Variants in CCDC122 observed in about 807,000 individuals in gnomAD.
CCDC122 encodes the protein coiled-coil domain containing 122.
Under a neutral mutation model 37.0 loss-of-function variants are expected in CCDC122, and 38 were observed. That is an observed-to-expected ratio of 1.03 (90% CI 0.79 to 1.35). The LOEUF is 1.35. Ranked by LOEUF, CCDC122 falls within the 40% of genes most tolerant of loss-of-function variation. CCDC122 has a pLI of 0.00. For missense variants in CCDC122, 305 were observed against 310.0 expected, an observed-to-expected ratio of 0.98 and a Z score of 0.12; for synonymous variants, 83 against 95.6, an observed-to-expected ratio of 0.87 and a Z score of 0.77.
At chr13:43,833,777 C>T (rs551408049), downstream of CCDC122, among the ~76,000 whole-genome samples, 43 of 147,696 alleles carry the variant, frequency 2.9e-4, no homozygotes, top group East Asian at 7.7e-3. Flanking sequence ...GATGACACAA[C>T]AAGTCCACCA....
chr13:43,859,024 A>C (rs1188132174), intron 5 of CCDC122, 127 bp from the exon 6 acceptor site: 1 of 690,160 alleles, frequency 1.4e-6, no homozygotes, highest in Admixed American at 4.4e-5. Context: ...AAATAGCATT[A>C]GAATATTACT....
At chr13:43,839,928 T>C (rs1953287214) in intron 6 of CCDC122, among the ~76,000 whole-genome samples, 1 of 152,128 alleles carries the variant, frequency 6.6e-6, no homozygotes, top group Non-Finnish European at 1.5e-5. Flanking sequence ...AGAAGAAATT[T>C]ATAGACAAAA....
chr13:43,861,522 T>A (rs905751263), intron 4 of CCDC122, among the ~76,000 whole-genome samples: 2 of 152,182 alleles, frequency 1.3e-5, no homozygotes, highest in Non-Finnish European at 2.9e-5. Context: ...ATTCTGTAGA[T>A]CTTCCCACCA....
chr13:43,829,967 C>T (rs1953073619), intron 3 of CCDC122, among the ~76,000 whole-genome samples: 1 of 152,152 alleles, frequency 6.6e-6, no homozygotes, highest in Admixed American at 6.5e-5. Flanking sequence ...CCTCCGCCTC[C>T]TGGCTGCAAG....
At chr13:43,868,582 G>A (rs1954348513) in intron 4 of CCDC122, 112 bp downstream of exon 4, 1 of 557,064 alleles carries the variant, frequency 1.8e-6, no homozygotes, top group Non-Finnish European at 3.0e-6. Flanking sequence ...CAGAATAATT[G>A]ACAGAGAATA....
At chr13:43,871,272 A>G (rs974116732) in intron 2 of CCDC122, among the ~76,000 whole-genome samples, 2 of 152,136 alleles carry the variant, frequency 1.3e-5, no homozygotes, top group African/African-American at 4.8e-5. Context: ...GTGCATTTAT[A>G]GAGCTGCTGC....
downstream of CCDC122, among the ~76,000 whole-genome samples, chr13:43,832,315 C>A (rs1444211304): frequency 6.6e-6 from 1 of 152,022 alleles, no homozygotes; most frequent in East Asian, 1.9e-4. Context: ...CTATGAGCAA[C>A]TAACAAATCA....
chr13:43,864,152 T>C (rs924791713), intron 4 of CCDC122, among the ~76,000 whole-genome samples: 7 of 152,324 alleles, frequency 4.6e-5, no homozygotes, highest in Admixed American at 2.6e-4. Context: ...TCAATTGATA[T>C]GTGTGGGGCT....
In CCDC122 at chr13:43,837,169, C is replaced by A; in HGVS notation, c.*111G>T. 9.6e-7 allele frequency: 1 copy of A among 1,042,076 alleles called. No individual in the cohort carries two copies. The highest frequency in any genetic ancestry group is 1.4e-6 in the Non-Finnish European group (1 of 722,336). The allele number at this position is 1,042,076 out of a possible 1,614,324, so 64.6% of individuals were successfully genotyped here. On this transcript the variant is annotated 3_prime_UTR_variant, in exon 7 of 7. Transcript: ENST00000444614. Reference sequence around the variant, plus strand: ...CAACCGAAGACATCTGTCATTAAGACAGGTCTCTAATAGTGGATGCTTGTT... The same window carrying A: ...CAACCGAAGACATCTGTCATTAAGAAAGGTCTCTAATAGTGGATGCTTGTT...
Position 43,837,001 on chromosome 13 carries a change from G to A in CCDC122, c.*279C>T, listed in dbSNP as rs938443485. 2 of 297,116 alleles carry A rather than the reference G, an allele frequency of 6.7e-6. No individual in the cohort carries two copies. Among genetic ancestry groups the A allele is most frequent in the African/African-American group, 4.3e-5 (2 of 46,236 alleles). 18.4% of individuals were successfully genotyped at this position (297,116 alleles called of 1,614,324 possible). On this transcript the variant is annotated 3_prime_UTR_variant, in exon 7 of 7. Coordinates refer to ENST00000444614, the MANE Select transcript of CCDC122 (RefSeq NM_144974.5). The stretch of plus-strand genomic sequence containing the variant: ...ATGCAACATAAACAGGTATTCATGA[G>A]TATAATACATTTTACACACTCCAAA...
chr13:43,863,495 A>G (rs544069626), intron 4 of CCDC122, among the ~76,000 whole-genome samples: 238 of 152,298 alleles, frequency 1.6e-3, no homozygotes, highest in Non-Finnish European at 2.4e-3. Flanking sequence ...AATACCTAAA[A>G]GTTAAATGGC....
In CCDC122 at chr13:43,837,369, G is replaced by A. The variant is rs930201028; in HGVS notation, c.733C>T (p.Gln245Ter). Reference sequence around the variant, plus strand: ...CATTGCCACTGTCGTCTATTTGACTGAAGCTTGTTCACCTGACAATGCAAA... The same window carrying A: ...CATTGCCACTGTCGTCTATTTGACTAAAGCTTGTTCACCTGACAATGCAAA... ...KRLHCQVNKLQSNRRQWQWNI... is the reference protein window; with the variant it reads ...KRLHCQVNKL Residue 245 changes from glutamine to a stop codon, truncating the protein, a stop_gained, in exon 7 of 7, where the codon CAG becomes TAG. Transcript: ENST00000444614. LOFTEE classifies it high-confidence loss of function. The A allele has an allele frequency of 6.2e-7, 1 of 1,613,894 alleles. No individual in the cohort carries two copies. The highest frequency in any genetic ancestry group is 1.3e-5 in the African/African-American group (1 of 74,904).
chr13:43,851,797 A>G (rs530614306), intron 6 of CCDC122, among the ~76,000 whole-genome samples: 10 of 152,146 alleles, frequency 6.6e-5, no homozygotes, highest in Non-Finnish European at 1.3e-4. Flanking sequence ...CAGAGAACAA[A>G]ACTGGGGCCT....
downstream of CCDC122, among the ~76,000 whole-genome samples, chr13:43,820,513 A>T (rs927974182): frequency 4.6e-5 from 7 of 152,222 alleles, no homozygotes; most frequent in Non-Finnish European, 5.9e-5. Context: ...CTATTTGAAC[A>T]TCAATAATAA....
chr13:43,870,610 T>G (rs1160453199), intron 2 of CCDC122, among the ~76,000 whole-genome samples: 1 of 152,108 alleles, frequency 6.6e-6, no homozygotes, highest in African/African-American at 2.4e-5. Flanking sequence ...TAAAAAAAAA[T>G]TATATAGTGT....
At chr13:43,868,604 G>A in intron 4 of CCDC122, 90 bp downstream of exon 4, 1 of 632,816 alleles carries the variant, frequency 1.6e-6, no homozygotes, top group Non-Finnish European at 2.5e-6. Flanking sequence ...CTTTAAAAGT[G>A]ACTCCCAATA....
chr13:43,865,252 A>C, intron 4 of CCDC122, among the ~76,000 whole-genome samples: 1 of 152,160 alleles, frequency 6.6e-6, no homozygotes, highest in East Asian at 1.9e-4. Context: ...CTCTGATTTT[A>C]TAGCCAGTTG....
chr13:43,835,781 G>T, downstream of CCDC122, among the ~76,000 whole-genome samples: 1 of 152,206 alleles, frequency 6.6e-6, no homozygotes. Context: ...TTTTTAATAT[G>T]CAAGTTACAT....
At chr13:43,842,285 C>A (rs1377230512) in intron 6 of CCDC122, among the ~76,000 whole-genome samples, 3 of 151,948 alleles carry the variant, frequency 2.0e-5, no homozygotes, top group Non-Finnish European at 2.9e-5. Context: ...TGTTTCAGTA[C>A]CATTTGTTGA....
Sources: gnomAD v4.1 joint callset for allele counts (sites outside exome capture counted in the v4.1 genomes callset) on GRCh38, gnomAD v4.1.1 for gene constraint, MANE v1.5 for transcripts, NCBI Gene and HGNC (gene_info 2026-07-23, HGNC 2026-07-21) for gene names.